The following PRDM5 variants were observed in gnomAD, a reference collection of about 807,000 sequenced individuals.
The protein encoded by PRDM5 is PR domain zinc finger protein 5.
Under a neutral mutation model 81.2 loss-of-function variants are expected in PRDM5, and 56 were observed. The observed-to-expected ratio is 0.69, with a 90% CI of 0.56 to 0.86. The LOEUF is 0.86. Among genes scored for constraint, PRDM5 ranks in the 40% least tolerant of loss-of-function variants. The pLI is 0.00. For synonymous variants in PRDM5, 267 were observed against 256.4 expected (o/e 1.04, Z -0.39); for missense variants, 697 against 770.1 (o/e 0.91, Z 1.12).
chr4:120,792,609 C>T (rs573479944), intron 10 of PRDM5, among the ~76,000 whole-genome samples: 2 of 152,190 alleles, frequency 1.3e-5, no homozygotes, highest in South Asian at 4.1e-4. Flanking sequence ...AAAGAGACAC[C>T]TACACTCTCA....
intron 2 of PRDM5, among the ~76,000 whole-genome samples, chr4:120,899,722 C>G (rs1484530693): frequency 6.6e-6 from 1 of 152,140 alleles, no homozygotes; most frequent in African/African-American, 2.4e-5. Context: ...TTAATTCAAT[C>G]CTTATATTAT....
intron 15 of PRDM5, among the ~76,000 whole-genome samples, chr4:120,703,212 G>A (rs1461359871): frequency 2.0e-5 from 3 of 151,998 alleles, no homozygotes; most frequent in African/African-American, 7.3e-5. Flanking sequence ...TGGAGACACG[G>A]TGTCTCTCTG....
At chr4:120,802,807 C>T (rs1752331681) in intron 8 of PRDM5, among the ~76,000 whole-genome samples, 1 of 152,174 alleles carries the variant, frequency 6.6e-6, no homozygotes, top group Admixed American at 6.5e-5. Context: ...CGCTTCTCCC[C>T]CTCCAAAGGA....
chr4:120,856,623 A>G (rs1471682593), intron 2 of PRDM5, among the ~76,000 whole-genome samples: 1 of 152,194 alleles, frequency 6.6e-6, no homozygotes, highest in Non-Finnish European at 1.5e-5. Flanking sequence ...GACATCCAAA[A>G]GTAATCTAAT....
chr4:120,853,258 T>C lies in PRDM5; in HGVS notation c.300+160A>G, dbSNP rs558770632. On this transcript the variant is annotated intron_variant, in intron 3 of 15. Coordinates refer to ENST00000264808, the MANE Select transcript of PRDM5 (RefSeq NM_018699.4). ...TGTTAGTTTACAGCTAGGCTTGCCC[T>C]TTCCTACATATGCTGACTAGATGAG... is the stretch of plus-strand genomic sequence containing the variant. Among the ~76,000 whole-genome samples, 49 of 152,318 alleles carry C rather than the reference T, an allele frequency of 3.2e-4. 1 individual carries two copies. Among genetic ancestry groups the C allele is most frequent in the Middle Eastern group, 6.8e-3 (2 of 294 alleles).
chr4:120,771,587 T>G (rs1747306654), intron 13 of PRDM5, among the ~76,000 whole-genome samples: 3 of 152,152 alleles, frequency 2.0e-5, no homozygotes, highest in Admixed American at 2.0e-4. Flanking sequence ...CCAAACACCA[T>G]GATATTAATT....
At position 120,853,454 on chromosome 4, in the gene PRDM5, T is replaced by C. The variant is rs1759515473; in HGVS notation, c.264A>G (p.Ala88=). ...HSNWLRFVHE[A]PSQEQKNLAA... ...CCAAGTTCTTCTGCTCCTGAGATGG[T>C]GCCTCATGAACGAAGCGAAGCCAGT... is the stretch of plus-strand genomic sequence containing the variant. Residue 88 remains alanine, a synonymous_variant, in exon 3 of 16, where the codon GCA becomes GCG. Coordinates refer to ENST00000264808, the MANE Select transcript of PRDM5 (RefSeq NM_018699.4). 4 of 1,613,642 alleles carry C rather than the reference T, an allele frequency of 2.5e-6. No homozygotes were observed. The highest frequency in any genetic ancestry group is 3.4e-6 in the Non-Finnish European group (4 of 1,179,754).
intron 14 of PRDM5, among the ~76,000 whole-genome samples, chr4:120,742,539 T>C (rs1057328400): frequency 1.3e-4 from 19 of 151,802 alleles, no homozygotes; most frequent in Admixed American, 5.2e-4. Flanking sequence ...GAAAAAAATT[T>C]AGAAGAATGT....
At chr4:120,897,597 C>A (rs1764786776) in intron 2 of PRDM5, among the ~76,000 whole-genome samples, 1 of 152,198 alleles carries the variant, frequency 6.6e-6, no homozygotes, top group Non-Finnish European at 1.5e-5. Flanking sequence ...AAGGTCCTAA[C>A]ATTACAGATG....
intron 3 of PRDM5, among the ~76,000 whole-genome samples, chr4:120,843,614 C>A (rs1261426229): frequency 1.3e-5 from 2 of 150,988 alleles, no homozygotes; most frequent in African/African-American, 4.9e-5. Flanking sequence ...TCCCTTGAAC[C>A]CAGGAGATGG....
At chr4:120,712,065 T>C (rs1737071528) in intron 14 of PRDM5, among the ~76,000 whole-genome samples, 1 of 151,858 alleles carries the variant, frequency 6.6e-6, no homozygotes, top group African/African-American at 2.4e-5. Context: ...GCGGACGAAT[T>C]ATCTGAGGTC....
chr4:120,858,397 GT>G (rs146608471), intron 2 of PRDM5, among the ~76,000 whole-genome samples: 18,302 of 152,122 alleles, frequency 0.12, 1,303 homozygotes, highest in East Asian at 0.17. Flanking sequence ...ACGGCACATT[GT>G]TTGTCAGATT....
Position 120,692,041 on chromosome 4 carries a change from AG to A in PRDM5, c.*3069del, listed in dbSNP as rs1425153952. The A allele has an allele frequency of 6.6e-5, 10 of 152,206 alleles. No individual in the cohort carries two copies. In the East Asian group the frequency reaches 1.9e-3, roughly 29 times the overall value. 9.4% of individuals were successfully genotyped at this position (152,206 alleles called of 1,614,324 possible). On this transcript the variant is annotated 3_prime_UTR_variant, in exon 16 of 16. Coordinates refer to ENST00000264808, the MANE Select transcript of PRDM5 (RefSeq NM_018699.4). ...ATGTCAATATCAATGGTAAAATTTT[AG>A]GATTTTAAAGAGGCACATTTCCTCC...
downstream of PRDM5, among the ~76,000 whole-genome samples, chr4:120,687,757 T>A (rs1366548466): frequency 2.0e-5 from 3 of 152,154 alleles, no homozygotes; most frequent in South Asian, 6.2e-4. Context: ...TATGAGTGAA[T>A]TAATGCCACT....
At chr4:120,716,890 C>A (rs1737837249) in intron 14 of PRDM5, among the ~76,000 whole-genome samples, 1 of 151,986 alleles carries the variant, frequency 6.6e-6, no homozygotes, top group Non-Finnish European at 1.5e-5. Flanking sequence ...AGAGAGTAAA[C>A]CCTCACATAG....
chr4:120,742,716 G>T (rs1246229707), intron 14 of PRDM5, among the ~76,000 whole-genome samples: 2 of 152,098 alleles, frequency 1.3e-5, no homozygotes, highest in Non-Finnish European at 2.9e-5. Flanking sequence ...AAGCGAGAAG[G>T]AAAGTTTAGA....
chr4:120,719,114 C>T (rs950927149), intron 14 of PRDM5, among the ~76,000 whole-genome samples: 4 of 152,136 alleles, frequency 2.6e-5, no homozygotes, highest in African/African-American at 7.2e-5. Flanking sequence ...GCAAAAGGGC[C>T]AGATAATTCT....
intron 1 of PRDM5, among the ~76,000 whole-genome samples, chr4:120,685,623 A>G (rs1046212365): frequency 6.6e-6 from 1 of 152,012 alleles, no homozygotes; most frequent in Non-Finnish European, 1.5e-5. Context: ...AGCTAAGGCA[A>G]TACCACTTCT....
At chr4:120,770,392 A>T (rs996718438) in intron 13 of PRDM5, among the ~76,000 whole-genome samples, 1 of 152,086 alleles carries the variant, frequency 6.6e-6, no homozygotes, top group Non-Finnish European at 1.5e-5. Flanking sequence ...AGTACAGTGG[A>T]CACTGTATAA....
Sources: allele counts gnomAD v4.1 joint callset (sites outside exome capture counted in the v4.1 genomes callset), GRCh38; gene constraint gnomAD v4.1.1; transcripts MANE v1.5; gene names NCBI Gene and HGNC (gene_info 2026-07-23, HGNC 2026-07-21).